The following HMCN1 variants were observed in gnomAD, a reference collection of about 807,000 sequenced individuals.
HMCN1 encodes the protein hemicentin-1.
Under a neutral mutation model 625.9 loss-of-function variants are expected in HMCN1, and 321 were observed. The ratio of observed to expected loss-of-function variants is 0.51; its 90% confidence interval spans 0.47 to 0.56. The LOEUF is 0.56. Among genes scored for constraint, HMCN1 ranks in the 20% least tolerant of loss-of-function variants. The pLI, the probability that HMCN1 is intolerant of heterozygous loss-of-function variation, is 0.00. For missense variants in HMCN1, 6,588 were observed against 6,887.3 expected, an observed-to-expected ratio of 0.96 and a Z score of 1.54; for synonymous variants, 2,425 against 2,417.6, an observed-to-expected ratio of 1.00 and a Z score of -0.09.
intron 36 of HMCN1, among the ~76,000 whole-genome samples, chr1:186,036,915 A>G (rs896885647): frequency 2.0e-5 from 3 of 152,092 alleles, no homozygotes; most frequent in African/African-American, 7.2e-5. Flanking sequence ...AACGTGTCAA[A>G]AAGTCACTAT....
chr1:185,840,243 T>C (rs922575258), intron 1 of HMCN1, among the ~76,000 whole-genome samples: 5 of 152,212 alleles, frequency 3.3e-5, no homozygotes, highest in African/African-American at 1.2e-4. Context: ...ATAATCTGAT[T>C]TTTTGCAGTA....
Position 186,152,882 on chromosome 1 carries a change from A to G in HMCN1, c.15018+11A>G. 3 of 1,613,576 alleles carry G rather than the reference A, an allele frequency of 1.9e-6. No homozygotes were observed. The highest frequency in any genetic ancestry group is 1.1e-5 in the South Asian group (1 of 91,078). ...GAAGTCACTGTAAAGGTAAAATGCC[A>G]GGATAACTTGTCTTTGCTGCTTATT... On this transcript the variant is annotated intron_variant, in intron 96 of 106. Coordinates refer to ENST00000271588, the MANE Select transcript of HMCN1 (RefSeq NM_031935.3).
chr1:186,124,037 T>C (rs1661525422), intron 81 of HMCN1, among the ~76,000 whole-genome samples: 1 of 152,142 alleles, frequency 6.6e-6, no homozygotes. Flanking sequence ...CTCCCCTGCT[T>C]TCAGTTAATA....
chr1:185,752,124 G>A (rs1056603228), intron 1 of HMCN1, among the ~76,000 whole-genome samples: 3 of 151,972 alleles, frequency 2.0e-5, no homozygotes, highest in Non-Finnish European at 2.9e-5. Flanking sequence ...CTAATTTTTG[G>A]GCTTTGGATT....
chr1:185,996,501 T>C (rs1160553016), intron 24 of HMCN1, among the ~76,000 whole-genome samples: 2 of 152,116 alleles, frequency 1.3e-5, no homozygotes, highest in Admixed American at 6.6e-5. Context: ...TTATTCTAAA[T>C]GCAATAAGAA....
chr1:186,000,609 G>A (rs1053819951), intron 26 of HMCN1, among the ~76,000 whole-genome samples: 8 of 148,482 alleles, frequency 5.4e-5, no homozygotes, highest in South Asian at 2.1e-4. Flanking sequence ...GTGTCTTCCC[G>A]GAGATATTTT....
chr1:186,054,528 A>C (rs1279281806), intron 44 of HMCN1, among the ~76,000 whole-genome samples: 1 of 151,964 alleles, frequency 6.6e-6, no homozygotes, highest in Admixed American at 6.6e-5. Context: ...TGGATTACTG[A>C]CACTGGCCTA....
At chr1:185,873,790 A>G (rs1293275015) in intron 4 of HMCN1, among the ~76,000 whole-genome samples, 1 of 152,070 alleles carries the variant, frequency 6.6e-6, no homozygotes, top group Non-Finnish European at 1.5e-5. Context: ...AAAACACAAT[A>G]GTATTATTTC....
intron 30 of HMCN1, among the ~76,000 whole-genome samples, chr1:186,008,533 T>C (rs1653786378): frequency 6.6e-6 from 1 of 152,150 alleles, no homozygotes; most frequent in Non-Finnish European, 1.5e-5. Flanking sequence ...ATATGTGAGT[T>C]TGCATTTGAT....
At chr1:186,114,976 T>C in intron 74 of HMCN1, 30 bp downstream of exon 74, 1 of 1,614,022 alleles carries the variant, frequency 6.2e-7, no homozygotes, top group Non-Finnish European at 8.5e-7. Flanking sequence ...CAACATCCGG[T>C]CTCTGTGTCA....
At chr1:185,804,746 G>A (rs780552227) in intron 1 of HMCN1, among the ~76,000 whole-genome samples, 47 of 151,808 alleles carry the variant, frequency 3.1e-4, no homozygotes, top group Non-Finnish European at 5.2e-4. Context: ...ACCTGATTCC[G>A]CAGAAATTCT....
intron 36 of HMCN1, among the ~76,000 whole-genome samples, chr1:186,030,191 A>G (rs1188697327): frequency 6.6e-6 from 1 of 152,108 alleles, no homozygotes; most frequent in Admixed American, 6.6e-5. Context: ...CTGGTGGAGT[A>G]GTCTATGTGT....
intron 1 of HMCN1, among the ~76,000 whole-genome samples, chr1:185,802,255 A>C (rs776175346): frequency 2.1e-4 from 32 of 152,172 alleles, no homozygotes; most frequent in Non-Finnish European, 3.5e-4. Flanking sequence ...AACCAGTAGA[A>C]AATAATCAGA....
Position 186,189,542 on chromosome 1 carries a change from T to C in HMCN1, c.16572T>C (p.Asp5524=). The part of the protein sequence containing the change: ...GFCLKNCPPN[D]LECALSPYAL... ...GCCTCAAGAACTGTCCACCCAATGA[T>C]TTGGAATGTGCCTTGAGCCCATATG... The change falls in exon 107 of 107, where the codon GAT becomes GAC. Residue 5524 remains aspartate (D), a synonymous_variant. Coordinates refer to ENST00000271588, the MANE Select transcript of HMCN1 (RefSeq NM_031935.3). 1 of 1,613,586 alleles carries C rather than the reference T, an allele frequency of 6.2e-7. No homozygotes were observed. The highest frequency in any genetic ancestry group is 8.5e-7 in the Non-Finnish European group (1 of 1,179,730).
chr1:185,964,734 A>G (rs1279313655), intron 13 of HMCN1, among the ~76,000 whole-genome samples: 1 of 152,098 alleles, frequency 6.6e-6, no homozygotes, highest in Non-Finnish European at 1.5e-5. Context: ...ATTCAGACGG[A>G]GGAATTAGCA....
chr1:185,984,110 T>G (rs1393041619), intron 18 of HMCN1, 59 bp from the exon 19 acceptor site: 24 of 1,437,900 alleles, frequency 1.7e-5, no homozygotes, highest in Non-Finnish European at 2.0e-5. Context: ...GCAGGTTCAT[T>G]TTTGACTCTC....
At chr1:185,978,004 T>G in intron 16 of HMCN1, 23 bp downstream of exon 16, 1 of 1,472,024 alleles carries the variant, frequency 6.8e-7, no homozygotes, top group East Asian at 2.3e-5. Flanking sequence ...AAATATATTT[T>G]GTACGAATAT....
chr1:186,048,726 G>T lies in HMCN1; in HGVS notation c.6481-17G>T. ...TGAAATAGAAAGTGTGATTTCAAAGGATGATTTTGTTTTCAGATTGAAGAT... is the reference window on the plus strand; with the variant it reads ...TGAAATAGAAAGTGTGATTTCAAAGTATGATTTTGTTTTCAGATTGAAGAT... On this transcript the variant is annotated splice_polypyrimidine_tract_variant and intron_variant, in intron 41 of 106. Transcript: ENST00000271588. The T allele has an allele frequency of 6.8e-7, 1 of 1,477,464 alleles. No homozygotes were observed. The highest frequency in any genetic ancestry group is 9.5e-7 in the Non-Finnish European group (1 of 1,056,228). The allele number at this position is 1,477,464 out of a possible 1,614,324, so 91.5% of individuals were successfully genotyped here.
At chr1:186,093,721 T>C in intron 66 of HMCN1, 52 bp downstream of exon 66, 1 of 1,606,562 alleles carries the variant, frequency 6.2e-7, no homozygotes, top group Non-Finnish European at 8.5e-7. Context: ...ACTGTGATTG[T>C]AGACTTTTCC....
Sources: gnomAD v4.1 joint callset for allele counts (sites outside exome capture counted in the v4.1 genomes callset) on GRCh38, gnomAD v4.1.1 for gene constraint, MANE v1.5 for transcripts, NCBI Gene and HGNC (gene_info 2026-07-23, HGNC 2026-07-21) for gene names.